ITIH6: variants seen among roughly 807,000 people sequenced by gnomAD.
ITIH6 encodes the protein inter-alpha-trypsin inhibitor heavy chain H6.
ITIH6 carries 60 observed loss-of-function variants against 58.2 expected under a neutral mutation model. That is an observed-to-expected ratio of 1.03 (90% confidence interval 0.84 to 1.28). The LOEUF (loss-of-function observed/expected upper bound fraction) is 1.28, where lower values mean the gene tolerates loss of function less well. Ranked by LOEUF, ITIH6 falls within the 50% of genes most tolerant of loss-of-function variation. The probability of loss-of-function intolerance (pLI) is 0.00; values close to 1 mark genes in which losing one functional copy is unlikely to be tolerated. For synonymous variants in ITIH6, 493 were observed against 417.4 expected, an observed-to-expected ratio of 1.18 and a Z score of -2.21; for missense variants, 1,290 against 1,021.1, an observed-to-expected ratio of 1.26 and a Z score of -3.59.
chrX:54,765,527 C>T lies in ITIH6; in HGVS notation c.904-5600G>A, dbSNP rs1602055627. Among the ~76,000 whole-genome samples the T allele has an allele frequency of 3.6e-5, 4 of 110,086 alleles. No individual in the cohort carries two copies. The South Asian group carries it at 1.6e-3, about 43-fold the overall frequency. On this transcript the variant is annotated intron_variant, in intron 6 of 12. Coordinates refer to ENST00000218436, the MANE Select transcript of ITIH6 (RefSeq NM_198510.3). ...ATTTATTAAATAGGGAATCATTTCCCCATTGCTTATTTTTCTCAGGTTTGT... is the reference window on the plus strand; with the variant it reads ...ATTTATTAAATAGGGAATCATTTCCTCATTGCTTATTTTTCTCAGGTTTGT...
Position 54,757,195 on chromosome X carries a change from G to C in ITIH6, c.2879C>G (p.Ser960Cys), listed in dbSNP as rs770813281. The C allele has an allele frequency of 1.2e-5, 14 of 1,205,979 alleles. No individual in the cohort carries two copies. The highest frequency in any genetic ancestry group is 1.8e-5 in the South Asian group (1 of 55,907). Reference sequence around the variant, plus strand: ...GCTCATTGTTGGAACTCCTGGCCTAGATGGTCCCAGAACTTGCCTGGTCCT... The same window carrying C: ...GCTCATTGTTGGAACTCCTGGCCTACATGGTCCCAGAACTTGCCTGGTCCT... ...PQRTRQVLGP[S>C]RPGVPTMSLL... The change falls in exon 8 of 13, where the codon TCT becomes TGT. Residue 960 changes from serine to cysteine, a missense_variant. Transcript: ENST00000218436.
At chrX:54,767,092 T>G (rs1228883948) in intron 6 of ITIH6, among the ~76,000 whole-genome samples, 1 of 110,450 alleles carries the variant, frequency 9.1e-6, no homozygotes, top group Admixed American at 9.6e-5. Flanking sequence ...ATTCAGAGAT[T>G]CAACTTCTTC....
In ITIH6 at chrX:54,788,562, G is replaced by A. The variant is rs765614143; in HGVS notation, c.704C>T (p.Ser235Leu). 12 of 1,207,214 alleles carry A rather than the reference G, an allele frequency of 9.9e-6. No individual in the cohort carries two copies. Among genetic ancestry groups the A allele is most frequent in the South Asian group, 1.8e-5 (1 of 56,584 alleles). ...ITYCPTLQDQ[S>L]SISGSGIMAD... ...CATGATGCCTGACCCAGAGATGGACGACTGGTCTTGCAATGTCGGGCAGTA... is the reference window on the plus strand; with the variant it reads ...CATGATGCCTGACCCAGAGATGGACAACTGGTCTTGCAATGTCGGGCAGTA... Residue 235 changes from serine to leucine, a missense_variant, in exon 5 of 13, where the codon TCG becomes TTG. Ser to Leu is a moderately radical substitution (Grantham distance 145, BLOSUM62 -2). Coordinates refer to ENST00000218436, the MANE Select transcript of ITIH6 (RefSeq NM_198510.3).
intron 12 of ITIH6, 44 bp downstream of exon 12, chrX:54,750,959 G>T: frequency 9.1e-7 from 1 of 1,099,715 alleles, no homozygotes; most frequent in East Asian, 3.3e-5. Flanking sequence ...GGTCTTTTTG[G>T]TGGCTGGTGC....
At chrX:54,765,901 G>T (rs927463122) in intron 6 of ITIH6, among the ~76,000 whole-genome samples, 11 of 111,084 alleles carry the variant, frequency 9.9e-5, no homozygotes, top group Admixed American at 9.6e-5. Flanking sequence ...ATATGAACTT[G>T]AAAGTAGTTT....
Position 54,788,495 on chromosome X carries a change from G to A in ITIH6, c.771C>T (p.Ile257=), listed in dbSNP as rs781162391. Residue 257 remains isoleucine (I), a synonymous_variant, in exon 5 of 13, where the codon ATC becomes ATT. Coordinates refer to ENST00000218436, the MANE Select transcript of ITIH6 (RefSeq NM_198510.3). ...GCCCCCTCACCTGCACGTCTCCAAT[G>A]ATGTCCTCCATGACCACATCGTACT... is the stretch of plus-strand genomic sequence containing the variant. ...LVQYDVVMED[I]IGDVQIYDDY... is the part of the protein sequence containing the mutation. The A allele has an allele frequency of 1.7e-6, 2 of 1,208,391 alleles. No individual in the cohort carries two copies. The highest frequency in any genetic ancestry group is 3.5e-5 in the African/African-American group (2 of 56,948).
rs1928325544 is a variant in ITIH6 at position 54,750,178 on chromosome X, C to T, written c.3731-72G>A. On this transcript the variant is annotated intron_variant, in intron 12 of 12. Coordinates refer to ENST00000218436, the MANE Select transcript of ITIH6 (RefSeq NM_198510.3). ...CTGCTCAGAGATCTGCAAGGAGGCCCAGCAGGAAATCCAGAGGGATTTAAA... is the reference window on the plus strand; with the variant it reads ...CTGCTCAGAGATCTGCAAGGAGGCCTAGCAGGAAATCCAGAGGGATTTAAA... 3 of 834,678 alleles carry T rather than the reference C, an allele frequency of 3.6e-6. No homozygotes were observed. In the East Asian group the frequency reaches 9.7e-5, roughly 27 times the overall value. 68.8% of individuals were successfully genotyped at this position (834,678 alleles called of 1,213,427 possible).
At chrX:54,771,103 A>G (rs1928939500) in intron 6 of ITIH6, among the ~76,000 whole-genome samples, 1 of 111,592 alleles carries the variant, frequency 9.0e-6, no homozygotes, top group Non-Finnish European at 1.9e-5. Context: ...GGTAAGGTAC[A>G]TTTTCCTCTG....
chrX:54,750,027 C>A lies in ITIH6; in HGVS notation c.3810G>T (p.Val1270=). The A allele has an allele frequency of 8.3e-7, 1 of 1,211,381 alleles. No homozygotes were observed. Among genetic ancestry groups the A allele is most frequent in the Non-Finnish European group, 1.1e-6 (1 of 895,234 alleles). Residue 1270 remains valine, a synonymous_variant, in exon 13 of 13, where the codon GTG becomes GTT. Coordinates refer to ENST00000218436, the MANE Select transcript of ITIH6 (RefSeq NM_198510.3). ...PCLRRHHGPD[V]PVILGKRLLK... ...GCAGCCTCTTGCCTAGAATCACAGGCACATCTGGGCCATGGTGCCTTCGTA... is the reference window on the plus strand; with the variant it reads ...GCAGCCTCTTGCCTAGAATCACAGGAACATCTGGGCCATGGTGCCTTCGTA...
At chrX:54,753,444 C>G in intron 11 of ITIH6, among the ~76,000 whole-genome samples, 1 of 110,145 alleles carries the variant, frequency 9.1e-6, no homozygotes, top group Non-Finnish European at 1.9e-5. Context: ...TACTCTATGC[C>G]CTTTTGTGCG....
intron 5 of ITIH6, among the ~76,000 whole-genome samples, chrX:54,782,451 T>G (rs1490138053): frequency 9.0e-6 from 1 of 111,156 alleles, no homozygotes; most frequent in African/African-American, 3.3e-5. Flanking sequence ...TAAAAATAAC[T>G]AATGGGTACT....
chrX:54,767,898 CT>C (rs1167230535), intron 6 of ITIH6, among the ~76,000 whole-genome samples: 4 of 74,812 alleles, frequency 5.3e-5, no homozygotes, highest in Admixed American at 1.5e-4. Context: ...CTGTAGATGT[CT>C]ATTAGGTCCG....
At position 54,798,186 on chromosome X, in the gene ITIH6, A is replaced by C; in HGVS notation, c.25T>G (p.Cys9Gly). 8.5e-7 allele frequency: 1 copy of C among 1,182,668 alleles called. No individual in the cohort carries two copies. The highest frequency in any genetic ancestry group is 1.1e-6 in the Non-Finnish European group (1 of 878,899). ...AGAATGGTCAGCAAAAAGCTGACAC[A>C]GATGAGGTACCTCCACCCAGACATG... Reference protein sequence around the residue: MSGWRYLICVSFLLTILLE... With the variant: MSGWRYLIGVSFLLTILLE... Residue 9 changes from cysteine (C) to glycine (G), a missense_variant, in exon 1 of 13, where the codon TGT becomes GGT. Transcript: ENST00000218436.
intron 2 of ITIH6, among the ~76,000 whole-genome samples, chrX:54,794,869 C>A (rs1929413318): frequency 9.0e-6 from 1 of 111,696 alleles, no homozygotes; most frequent in Non-Finnish European, 1.9e-5. Flanking sequence ...GTGATACTGG[C>A]TACTGAGGCC....
chrX:54,788,446 C>T (rs1929281978), intron 5 of ITIH6, 34 bp downstream of exon 5: 1 of 1,175,249 alleles, frequency 8.5e-7, no homozygotes, highest in African/African-American at 1.7e-5. Context: ...GACTCCAGAG[C>T]CCATCCTCTC....
intron 8 of ITIH6, 42 bp from the exon 9 acceptor site, chrX:54,755,151 G>C: frequency 9.0e-7 from 1 of 1,106,285 alleles, no homozygotes; most frequent in Non-Finnish European, 1.2e-6. Context: ...TCAAATTCCA[G>C]GGGCAAAGTC....
chrX:54,796,425 C>T (rs1483689892), intron 2 of ITIH6, among the ~76,000 whole-genome samples: 1 of 111,938 alleles, frequency 8.9e-6, no homozygotes, highest in East Asian at 2.8e-4. Context: ...GTGGCTCATG[C>T]CTGTAATCCC....
intron 5 of ITIH6, among the ~76,000 whole-genome samples, chrX:54,774,970 G>A (rs1929026180): frequency 9.0e-6 from 1 of 111,680 alleles, no homozygotes; most frequent in East Asian, 2.8e-4. Flanking sequence ...TCTGCCCAGG[G>A]CCACAGGCTT....
At position 54,749,672 on chromosome X, in the gene ITIH6, C is replaced by G. The variant is rs1928310434; in HGVS notation, c.*223G>C. 2.8e-6 allele frequency: 1 copy of G among 361,801 alleles called. No individual in the cohort carries two copies. The allele number at this position is 361,801 out of a possible 1,213,427, so 29.8% of individuals were successfully genotyped here. On this transcript the variant is annotated 3_prime_UTR_variant, in exon 13 of 13. Transcript: ENST00000218436. ...GAGCATGGATTTGGAGAGGGTGAGA[C>G]TGGAGATGTGAAGGACCATGAAGAT... is the stretch of plus-strand genomic sequence containing the variant.
Sources: gnomAD v4.1 joint callset for allele counts (sites outside exome capture counted in the v4.1 genomes callset) on GRCh38, gnomAD v4.1.1 for gene constraint, MANE v1.5 for transcripts, NCBI Gene and HGNC (gene_info 2026-07-23, HGNC 2026-07-21) for gene names.